ZNF721: variants seen among roughly 807,000 people sequenced by gnomAD.
ZNF721 encodes zinc finger protein 721.
Under a neutral mutation model 2.4 loss-of-function variants are expected in ZNF721, and 2 were observed. That is an observed-to-expected ratio of 0.82 (90% CI 0.34 to 2.58). ZNF721 has a LOEUF of 2.58. Ranked by LOEUF, ZNF721 falls within the 30% of genes most tolerant of loss-of-function variation. ZNF721 has a pLI of 0.11. For missense variants in ZNF721, 1,187 were observed against 1,085.5 expected (o/e 1.09, Z -1.31); for synonymous variants, 398 against 381.8 (o/e 1.04, Z -0.50).
intron 2 of ZNF721, among the ~76,000 whole-genome samples, chr4:455,431 G>C (rs1373144649): frequency 1.3e-5 from 2 of 152,098 alleles, no homozygotes; most frequent in Non-Finnish European, 2.9e-5. Flanking sequence ...GCTGGACATG[G>C]TAGTGCACAC....
chr4:466,981 G>A (rs560891391), intron 2 of ZNF721, among the ~76,000 whole-genome samples: 6 of 152,092 alleles, frequency 3.9e-5, no homozygotes, highest in Non-Finnish European at 7.4e-5. Context: ...CACTTTGGGA[G>A]GCCAAGGCAG....
chr4:496,166 G>A (rs1023561648), intron 1 of ZNF721, among the ~76,000 whole-genome samples: 3 of 152,118 alleles, frequency 2.0e-5, no homozygotes, highest in Non-Finnish European at 4.4e-5. Context: ...GGGGTAGACG[G>A]TTGGGTATTT....
rs114734668 is a variant in ZNF721, at chr4:443,432, G to A, written c.1035C>T (p.Ser345=). The A allele has an allele frequency of 0.032, 51,936 of 1,613,708 alleles. 976 individuals are homozygous for A. Among genetic ancestry groups the A allele is most frequent in the Middle Eastern group, 0.064 (386 of 6,062 alleles). Residue 345 remains serine, a synonymous_variant, in exon 3 of 3, where the codon TCC becomes TCT. Transcript: ENST00000511833. ...TTCTCCTATGTACGTAAAGGTTTGC[G>A]GACTGTCTAAAGGTTTTGCCACATT... ...CGECGKTFRQ[S]ANLYVHRRIH... is the part of the protein sequence containing the mutation.
Position 443,219 on chromosome 4 carries a change from G to C in ZNF721, c.1248C>G (p.Pro416=). 6.2e-7 allele frequency: 1 copy of C among 1,613,862 alleles called. No individual in the cohort carries two copies. The highest frequency in any genetic ancestry group is 8.5e-7 in the Non-Finnish European group (1 of 1,179,898). ...CTCTGCCACGATCTTCACATGTGTA[G>C]GGTTTCTCTCTGGTGTGAATTCTCT... ...AHKRIHTREK[P]YTCEDRGRAF... The change falls in exon 3 of 3, where the codon CCC becomes CCG. Residue 416 remains proline (P), a synonymous_variant. Transcript: ENST00000511833.
At chr4:459,348 A>G (rs1185136522) in intron 2 of ZNF721, among the ~76,000 whole-genome samples, 1 of 152,210 alleles carries the variant, frequency 6.6e-6, no homozygotes, top group African/African-American at 2.4e-5. Flanking sequence ...TAAAAGACAC[A>G]GACTGGAAAA....
chr4:466,900 T>C (rs1715269544), intron 2 of ZNF721, among the ~76,000 whole-genome samples: 1 of 152,146 alleles, frequency 6.6e-6, no homozygotes, highest in Non-Finnish European at 1.5e-5. Context: ...ACCTCAAACA[T>C]CCTTCAACAG....
intron 2 of ZNF721, among the ~76,000 whole-genome samples, chr4:463,897 A>AC (rs1715153487): frequency 6.6e-6 from 1 of 152,162 alleles, no homozygotes; most frequent in African/African-American, 2.4e-5. Context: ...CTCAGAACTT[A>AC]GAGCATAATA....
At chr4:454,887 G>A (rs1553865256) in intron 2 of ZNF721, among the ~76,000 whole-genome samples, 1 of 152,108 alleles carries the variant, frequency 6.6e-6, no homozygotes, top group Admixed American at 6.5e-5. Flanking sequence ...AAAACAAGTT[G>A]ATCTTTTTGT....
Position 499,152 on chromosome 4 carries a change from G to A in ZNF721, c.-190C>T, listed in dbSNP as rs973759544. On this transcript the variant is annotated 5_prime_UTR_variant, in exon 1 of 3. Coordinates refer to ENST00000511833, the MANE Select transcript of ZNF721 (RefSeq NM_133474.4). ...GTTCGTATGTCCGAGGTGACGCCCC[G>A]CTGTGGCGGGCTGGCGGAAGTGACG... 6 of 614,558 alleles carry A rather than the reference G, an allele frequency of 9.8e-6. No individual in the cohort carries two copies. The highest frequency in any genetic ancestry group is 9.7e-5 in the African/African-American group (5 of 51,672). The allele number at this position is 614,558 out of a possible 1,614,324, so 38.1% of individuals were successfully genotyped here. A position where few individuals can be genotyped will look rare whatever the true frequency, so the allele number is the denominator to read the frequency against.
intron 2 of ZNF721, among the ~76,000 whole-genome samples, chr4:467,903 G>A (rs1257664074): frequency 2.0e-5 from 3 of 151,950 alleles, no homozygotes; most frequent in Admixed American, 6.5e-5. Context: ...TTGGGAGGCC[G>A]AGGCGGGCAA....
At chr4:495,502 G>A (rs1299730275) in intron 1 of ZNF721, among the ~76,000 whole-genome samples, 1 of 138,864 alleles carries the variant, frequency 7.2e-6, no homozygotes, top group Non-Finnish European at 1.5e-5. Context: ...GGGTAGCTTT[G>A]CCACAGATTT....
Position 465,842 on chromosome 4 carries a change from A to G in ZNF721, c.34+6733T>C, listed in dbSNP as rs138227501. On this transcript the variant is annotated intron_variant, in intron 2 of 2. Transcript: ENST00000511833. ...CACACAAAAAAGGAAACCAAAGCATATAACAATAGAAACAAAACAACTCAA... is the reference window on the plus strand; with the variant it reads ...CACACAAAAAAGGAAACCAAAGCATGTAACAATAGAAACAAAACAACTCAA... Among the ~76,000 whole-genome samples, 805 of 152,192 alleles carry G rather than the reference A, an allele frequency of 5.3e-3. 6 individuals carry two copies. The highest frequency in any genetic ancestry group is 0.016 in the African/African-American group (674 of 41,558).
At chr4:494,870 T>C (rs977918141) in intron 1 of ZNF721, among the ~76,000 whole-genome samples, 11 of 150,882 alleles carry the variant, frequency 7.3e-5, no homozygotes, top group African/African-American at 2.7e-4. Context: ...GGTTAGACCA[T>C]GTGATGCTTT....
intron 2 of ZNF721, among the ~76,000 whole-genome samples, chr4:463,439 A>G (rs781864165): frequency 1.3e-5 from 2 of 152,190 alleles, no homozygotes; most frequent in Non-Finnish European, 2.9e-5. Context: ...TCATTCTACT[A>G]CAAAGACACA....
At chr4:448,547 C>G (rs1576954031) in intron 2 of ZNF721, among the ~76,000 whole-genome samples, 1 of 151,842 alleles carries the variant, frequency 6.6e-6, no homozygotes. Flanking sequence ...AGATTAAATG[C>G]AATCCCTGTC....
rs534242442 is a variant in ZNF721, at chr4:494,861, G to A, written c.-94+4195C>T. The stretch of plus-strand genomic sequence containing the variant: ...CAGAAAAAGGGAGAATTATTTTGAG[G>A]TTAGACCATGTGATGCTTTTACAGT... On this transcript the variant is annotated intron_variant, in intron 1 of 2. Coordinates refer to ENST00000511833, the MANE Select transcript of ZNF721 (RefSeq NM_133474.4). Among the ~76,000 whole-genome samples the A allele has an allele frequency of 1.6e-4, 24 of 151,406 alleles. No individual in the cohort carries two copies. In the South Asian group the frequency reaches 4.4e-3, roughly 28 times the overall value.
chr4:498,023 G>A (rs1223368911), intron 1 of ZNF721, among the ~76,000 whole-genome samples: 2 of 151,854 alleles, frequency 1.3e-5, no homozygotes, highest in African/African-American at 2.4e-5. Context: ...TGACCAACAT[G>A]GTGAAACCCC....
chr4:488,368 A>G (rs781866109), intron 1 of ZNF721, among the ~76,000 whole-genome samples: 1 of 152,194 alleles, frequency 6.6e-6, no homozygotes, highest in African/African-American at 2.4e-5. Context: ...GGAGAAAAAC[A>G]CACAGTTACA....
At position 474,089 on chromosome 4, in the gene ZNF721, C is replaced by A. The variant is rs184972469; in HGVS notation, c.-93-1388G>T. ...CTCTGGCAAAATCACCGAGGCCTCC[C>A]TGAGGTGTGGAAGCAGGGAAGTGAG... On this transcript the variant is annotated intron_variant, in intron 1 of 2. Transcript: ENST00000511833. 65 of 1,355,096 alleles carry A rather than the reference C, an allele frequency of 4.8e-5. No individual in the cohort carries two copies. The Admixed American group carries it at 1.2e-3, about 26-fold the overall frequency. 83.9% of individuals were successfully genotyped at this position (1,355,096 alleles called of 1,614,324 possible).
Sources: allele counts gnomAD v4.1 joint callset (sites outside exome capture counted in the v4.1 genomes callset), GRCh38; gene constraint gnomAD v4.1.1; transcripts MANE v1.5; gene names NCBI Gene and HGNC (gene_info 2026-07-23, HGNC 2026-07-21).